The following DEPTOR variants were observed in gnomAD, a reference collection of about 807,000 sequenced individuals.
DEPTOR encodes the protein DEP domain containing MTOR interacting protein.
A neutral mutation model predicts 41.6 loss-of-function variants in DEPTOR; 41 were observed. The ratio of observed to expected loss-of-function variants is 0.98; its 90% CI spans 0.77 to 1.28. The LOEUF (loss-of-function observed/expected upper bound fraction) is 1.28, where lower values mean the gene tolerates loss of function less well. DEPTOR is among the 50% of genes most tolerant of loss of function. The pLI is 0.00. For synonymous variants in DEPTOR, 195 were observed against 192.3 expected (o/e 1.01, Z -0.12); for missense variants, 514 against 527.9 (o/e 0.97, Z 0.26).
At chr8:119,909,544 G>T (rs779289098) in intron 1 of DEPTOR, among the ~76,000 whole-genome samples, 1 of 152,198 alleles carries the variant, frequency 6.6e-6, no homozygotes, top group Admixed American at 6.5e-5. Flanking sequence ...AGCCTTTAGG[G>T]TGGCATGAAA....
At chr8:119,895,279 A>C (rs112592699) in intron 1 of DEPTOR, among the ~76,000 whole-genome samples, 5 of 152,366 alleles carry the variant, frequency 3.3e-5, no homozygotes, top group African/African-American at 1.2e-4. Flanking sequence ...ATAGACTTCC[A>C]TCAGAGGGTC....
At chr8:119,957,706 A>G (rs1323714951) in intron 3 of DEPTOR, among the ~76,000 whole-genome samples, 1 of 151,290 alleles carries the variant, frequency 6.6e-6, no homozygotes, top group Non-Finnish European at 1.5e-5. Flanking sequence ...CTCCTGCCTC[A>G]GCCTCCCATG....
At position 120,002,973 on chromosome 8, in the gene DEPTOR, A is replaced by G. The variant is rs1812377854; in HGVS notation, c.791-4A>G. 3 of 1,559,048 alleles carry G rather than the reference A, an allele frequency of 1.9e-6. No homozygotes were observed. Among genetic ancestry groups the G allele is most frequent in the Non-Finnish European group, 2.6e-6 (3 of 1,151,828 alleles). ...TGACTGTGTGTGTTCTCTGGCCTAC[A>G]CAGTGAGCCCCAGCAAGGAGATCAA... On this transcript the variant is annotated splice_polypyrimidine_tract_variant and splice_region_variant and intron_variant, in intron 5 of 8. Coordinates refer to ENST00000286234, the MANE Select transcript of DEPTOR (RefSeq NM_022783.4).
At chr8:119,902,545 G>T (rs1246828985) in intron 1 of DEPTOR, among the ~76,000 whole-genome samples, 1 of 152,068 alleles carries the variant, frequency 6.6e-6, no homozygotes, top group African/African-American at 2.4e-5. Flanking sequence ...TACTATGTTG[G>T]CCAGGCTGGT....
chr8:120,015,507 G>T (rs1401560578), intron 8 of DEPTOR, among the ~76,000 whole-genome samples: 3 of 152,168 alleles, frequency 2.0e-5, no homozygotes, highest in Non-Finnish European at 4.4e-5. Flanking sequence ...CTTCTGGTTT[G>T]CAGTTGGTCA....
At chr8:120,028,452 C>CTTT (rs754049805) in intron 8 of DEPTOR, among the ~76,000 whole-genome samples, 13 of 107,342 alleles carry the variant, frequency 1.2e-4, no homozygotes, top group African/African-American at 1.1e-4. Flanking sequence ...AGCTCCAAAT[C>CTTT]TTTTTTTTTT....
intron 4 of DEPTOR, among the ~76,000 whole-genome samples, chr8:120,001,092 G>A (rs1316281329): frequency 7.2e-6 from 1 of 139,430 alleles, no homozygotes; most frequent in African/African-American, 3.0e-5. Context: ...AAAAGAAAAA[G>A]GATCGAGTGT....
intron 8 of DEPTOR, among the ~76,000 whole-genome samples, chr8:120,047,525 G>A (rs535233294): frequency 2.0e-5 from 3 of 151,004 alleles, no homozygotes; most frequent in East Asian, 2.0e-4. Context: ...CCGCCACCAC[G>A]CCCAGCTAAT....
At chr8:119,974,600 C>T (rs186570769) in intron 4 of DEPTOR, among the ~76,000 whole-genome samples, 1 of 152,154 alleles carries the variant, frequency 6.6e-6, no homozygotes, top group Admixed American at 6.6e-5. Context: ...GGTGAAACCC[C>T]GTCTCTACTA....
At chr8:119,974,758 C>A (rs2129999193) in intron 4 of DEPTOR, among the ~76,000 whole-genome samples, 1 of 150,006 alleles carries the variant, frequency 6.7e-6, no homozygotes, top group South Asian at 2.1e-4. Flanking sequence ...GGCGACAGAG[C>A]AAGACTCTGC....
At chr8:120,007,060 G>A (rs1030746291) in intron 7 of DEPTOR, among the ~76,000 whole-genome samples, 185 bp downstream of exon 7, 2 of 152,146 alleles carry the variant, frequency 1.3e-5, no homozygotes, top group African/African-American at 4.8e-5. Context: ...GACTTCACAT[G>A]CGTTATTATT....
chr8:119,990,922 C>T (rs1812148669), intron 4 of DEPTOR, among the ~76,000 whole-genome samples: 1 of 152,096 alleles, frequency 6.6e-6, no homozygotes, highest in Non-Finnish European at 1.5e-5. Context: ...TTTGAAAAGT[C>T]GATTCAAGGA....
intron 4 of DEPTOR, among the ~76,000 whole-genome samples, chr8:120,000,004 G>A (rs922551949): frequency 6.6e-6 from 1 of 152,180 alleles, no homozygotes; most frequent in Non-Finnish European, 1.5e-5. Flanking sequence ...AATAAGGGCC[G>A]TAGACTGTAC....
chr8:119,876,861 A>G (rs553523104), intron 1 of DEPTOR, among the ~76,000 whole-genome samples: 26 of 152,326 alleles, frequency 1.7e-4, no homozygotes, highest in South Asian at 4.1e-4. Flanking sequence ...AATGTATTTC[A>G]TGGAGTTGCG....
intron 4 of DEPTOR, among the ~76,000 whole-genome samples, chr8:119,965,742 GC>G (rs1486947237): frequency 6.6e-6 from 1 of 152,162 alleles, no homozygotes; most frequent in Non-Finnish European, 1.5e-5. Flanking sequence ...TATCTAACTG[GC>G]TAAAGCAAGT....
Position 119,873,977 on chromosome 8 carries a change from A to G in DEPTOR, c.122+9A>G, listed in dbSNP as rs1827198570. 1.2e-6 allele frequency: 2 copies of G among 1,613,268 alleles called. No homozygotes were observed. The highest frequency in any genetic ancestry group is 1.7e-6 in the Non-Finnish European group (2 of 1,179,684). On this transcript the variant is annotated intron_variant, in intron 1 of 8. Coordinates refer to ENST00000286234, the MANE Select transcript of DEPTOR (RefSeq NM_022783.4). Reference sequence around the variant, plus strand: ...ACCGGGGAACAGCTACGGTAAGGCAAGAGACACAGCGGGTGAGCTCACGAT... The same window carrying G: ...ACCGGGGAACAGCTACGGTAAGGCAGGAGACACAGCGGGTGAGCTCACGAT...
intron 8 of DEPTOR, among the ~76,000 whole-genome samples, chr8:120,045,805 C>T (rs1195821903): frequency 1.3e-5 from 2 of 152,210 alleles, no homozygotes; most frequent in Non-Finnish European, 2.9e-5. Context: ...CCATAACCCA[C>T]CACAGCCCCC....
At chr8:119,932,665 G>T (rs1022575238) in intron 3 of DEPTOR, among the ~76,000 whole-genome samples, 2 of 152,196 alleles carry the variant, frequency 1.3e-5, no homozygotes, top group Admixed American at 1.3e-4. Flanking sequence ...TCATGAGCTT[G>T]CACTTCAGTT....
At position 119,932,841 on chromosome 8, in the gene DEPTOR, C is replaced by A. The variant is rs546300163; in HGVS notation, c.425+2903C>A. On this transcript the variant is annotated intron_variant, in intron 3 of 8. Coordinates refer to ENST00000286234, the MANE Select transcript of DEPTOR (RefSeq NM_022783.4). ...AGAGACAACATTTGAATAAAGGAAG[C>A]CTTGCAGATATCTGGTGGAAGAACA... Among the ~76,000 whole-genome samples, 11 of 152,228 alleles carry A rather than the reference C, an allele frequency of 7.2e-5. No homozygotes were observed. In the East Asian group the frequency reaches 1.7e-3, roughly 24 times the overall value.
Sources: allele counts gnomAD v4.1 joint callset (sites outside exome capture counted in the v4.1 genomes callset), GRCh38; gene constraint gnomAD v4.1.1; transcripts MANE v1.5; gene names NCBI Gene and HGNC (gene_info 2026-07-23, HGNC 2026-07-21).